The following SLC12A8 variants were observed in gnomAD, a reference collection of about 807,000 sequenced individuals.
SLC12A8 encodes the protein cation-chloride cotransporter 9.
A neutral mutation model predicts 75.6 loss-of-function variants in SLC12A8; 69 were observed. The observed-to-expected ratio is 0.91, with a 90% confidence interval of 0.75 to 1.11. The LOEUF (loss-of-function observed/expected upper bound fraction) is 1.11. SLC12A8 is among the 50% of genes most tolerant of loss of function. The probability of loss-of-function intolerance (pLI) is 0.00; values close to 1 mark genes in which losing one functional copy is unlikely to be tolerated. For missense variants in SLC12A8, 877 were observed against 896.7 expected, an observed-to-expected ratio of 0.98 and a Z score of 0.28; for synonymous variants, 365 against 372.8, an observed-to-expected ratio of 0.98 and a Z score of 0.24.
At chr3:125,161,957 C>T (rs914549624) in intron 5 of SLC12A8, among the ~76,000 whole-genome samples, 4 of 152,254 alleles carry the variant, frequency 2.6e-5, no homozygotes, top group Non-Finnish European at 5.9e-5. Context: ...TTCCTTCTTC[C>T]CAAGAAGGTC....
At chr3:125,116,674 G>C (rs181948312) in intron 8 of SLC12A8, among the ~76,000 whole-genome samples, 1 of 152,330 alleles carries the variant, frequency 6.6e-6, no homozygotes, top group East Asian at 1.9e-4. Context: ...GGAGAGGAGG[G>C]AGGAGAGCTG....
intron 10 of SLC12A8, among the ~76,000 whole-genome samples, chr3:125,103,253 C>G (rs1051932598): frequency 6.6e-6 from 1 of 152,006 alleles, no homozygotes; most frequent in Non-Finnish European, 1.5e-5. Context: ...CCGTACCTAT[C>G]TGTGTGTCCC....
intron 4 of SLC12A8, among the ~76,000 whole-genome samples, chr3:125,187,034 G>A (rs1934800061): frequency 6.6e-6 from 1 of 152,236 alleles, no homozygotes; most frequent in African/African-American, 2.4e-5. Flanking sequence ...GAGTGGCAGA[G>A]GGAAAGGAGT....
chr3:125,203,416 G>T (rs1333067312), intron 2 of SLC12A8, among the ~76,000 whole-genome samples: 2 of 152,134 alleles, frequency 1.3e-5, no homozygotes, highest in African/African-American at 4.8e-5. Flanking sequence ...ACAGAATAGA[G>T]AATCTGGAAA....
intron 5 of SLC12A8, among the ~76,000 whole-genome samples, chr3:125,137,940 C>A (rs1269124358): frequency 6.8e-6 from 1 of 147,726 alleles, no homozygotes; most frequent in African/African-American, 2.7e-5. Context: ...CGCTCACGCT[C>A]ACACTCACGC....
chr3:125,099,719 A>G (rs1938816801), intron 10 of SLC12A8, among the ~76,000 whole-genome samples: 1 of 152,206 alleles, frequency 6.6e-6, no homozygotes, highest in Non-Finnish European at 1.5e-5. Flanking sequence ...CCCTAAGGTC[A>G]GGAGTTTGAG....
chr3:125,202,636 T>C (rs1412941520), intron 2 of SLC12A8, among the ~76,000 whole-genome samples: 1 of 8,160 alleles, frequency 1.2e-4, no homozygotes, highest in African/African-American at 1.6e-4. Flanking sequence ...CCATGTTTTT[T>C]TTTTTTTTTT....
chr3:125,208,789 C>G (rs144212401), intron 2 of SLC12A8, among the ~76,000 whole-genome samples: 21,097 of 92,816 alleles, frequency 0.23, 2,131 homozygotes, highest in African/African-American at 0.31. Flanking sequence ...CACACACACA[C>G]ACAGAGAGAG....
At chr3:125,119,137 C>T (rs992254501) in intron 7 of SLC12A8, 3 of 266,752 alleles carry the variant, frequency 1.1e-5, no homozygotes, top group African/African-American at 4.5e-5. Flanking sequence ...GTCATCCTTG[C>T]ACATGGGCCA....
Position 125,088,309 on chromosome 3 carries a change from C to T in SLC12A8, c.1982+1G>A. 2 of 1,614,100 alleles carry T rather than the reference C, an allele frequency of 1.2e-6. No homozygotes were observed. The highest frequency in any genetic ancestry group is 1.7e-6 in the Non-Finnish European group (2 of 1,180,018). ...GGTACTGGCTCCAAATTGGCACAGA[C>T]CTGCAGGAGGGGAGCAAGAGAGACC... is the stretch of plus-strand genomic sequence containing the variant. On this transcript the variant is annotated splice_donor_variant, in intron 13 of 13. Coordinates refer to ENST00000469902, the MANE Select transcript of SLC12A8 (RefSeq NM_024628.6). LOFTEE classifies it high-confidence loss of function.
At chr3:125,119,713 A>G (rs1333257576) in intron 7 of SLC12A8, among the ~76,000 whole-genome samples, 1 of 152,246 alleles carries the variant, frequency 6.6e-6, no homozygotes, top group Non-Finnish European at 1.5e-5. Context: ...GCTGATAGCA[A>G]TGGTTTCACT....
At chr3:125,176,169 G>T (rs892957315) in intron 5 of SLC12A8, among the ~76,000 whole-genome samples, 3 of 152,154 alleles carry the variant, frequency 2.0e-5, no homozygotes, top group Non-Finnish European at 2.9e-5. Flanking sequence ...GCATATCATC[G>T]TGCAAAAACA....
At chr3:125,144,549 A>T (rs557237998) in intron 5 of SLC12A8, among the ~76,000 whole-genome samples, 1 of 152,138 alleles carries the variant, frequency 6.6e-6, no homozygotes, top group Non-Finnish European at 1.5e-5. Flanking sequence ...GGGGAAAGGA[A>T]TGCACTCTCC....
chr3:125,208,173 G>A (rs1409593896), intron 2 of SLC12A8, among the ~76,000 whole-genome samples: 1 of 152,150 alleles, frequency 6.6e-6, no homozygotes, highest in Non-Finnish European at 1.5e-5. Context: ...GAAGTTCGGT[G>A]GGTCTCCAAA....
chr3:125,199,938 A>C (rs1433431422), intron 2 of SLC12A8, among the ~76,000 whole-genome samples: 1 of 152,192 alleles, frequency 6.6e-6, no homozygotes, highest in Admixed American at 6.5e-5. Flanking sequence ...GGAAACAGGA[A>C]GTAAAATGAT....
intron 13 of SLC12A8, 144 bp downstream of exon 13, chr3:125,088,166 A>AT: frequency 1.4e-6 from 1 of 708,962 alleles, no homozygotes; most frequent in Non-Finnish European, 2.4e-6. Flanking sequence ...CAGGAGCAAC[A>AT]TCTGAGTCTC....
At chr3:125,201,825 A>G (rs1935127143) in intron 2 of SLC12A8, among the ~76,000 whole-genome samples, 1 of 152,162 alleles carries the variant, frequency 6.6e-6, no homozygotes, top group Non-Finnish European at 1.5e-5. Flanking sequence ...AAAATTTAGG[A>G]ATTAGATTAA....
chr3:125,120,493 T>G, intron 7 of SLC12A8, 106 bp downstream of exon 7: 2 of 795,012 alleles, frequency 2.5e-6, no homozygotes, highest in South Asian at 3.0e-5. Context: ...TGAAATAGAT[T>G]GGTCACAGTC....
At chr3:125,121,390 G>T (rs567254497) in intron 6 of SLC12A8, among the ~76,000 whole-genome samples, 1 of 152,314 alleles carries the variant, frequency 6.6e-6, no homozygotes, top group African/African-American at 2.4e-5. Flanking sequence ...CATCGGATGA[G>T]GATCCAGCCC....
Sources: allele counts gnomAD v4.1 joint callset (sites outside exome capture counted in the v4.1 genomes callset), GRCh38; gene constraint gnomAD v4.1.1; transcripts MANE v1.5; gene names NCBI Gene and HGNC (gene_info 2026-07-23, HGNC 2026-07-21).